GOLGA4: variants seen among roughly 807,000 people sequenced by gnomAD.
The protein encoded by GOLGA4 is golgin subfamily A member 4.
GOLGA4 carries 169 observed loss-of-function variants against 265.9 expected under a neutral mutation model. The ratio of observed to expected loss-of-function variants is 0.64; its 90% CI spans 0.56 to 0.72. The LOEUF is 0.72. Ranked by LOEUF, GOLGA4 falls within the 30% of genes least tolerant of loss-of-function variation. The probability of loss-of-function intolerance (pLI) is 0.00; values close to 1 mark genes in which losing one functional copy is unlikely to be tolerated. For synonymous variants in GOLGA4, 923 were observed against 855.8 expected (o/e 1.08, Z -1.37); for missense variants, 2,482 against 2,483.4 (o/e 1.00, Z 0.01).
rs921339999 is a variant in GOLGA4, at chr3:37,243,441, C to T, written c.-110C>T. The T allele has an allele frequency of 6.7e-6, 6 of 896,196 alleles. No individual in the cohort carries two copies. The highest frequency in any genetic ancestry group is 1.7e-5 in the African/African-American group (1 of 60,116). The allele number at this position is 896,196 out of a possible 1,614,324, so 55.5% of individuals were successfully genotyped here. ...TCAAGGAGGAGACGGCGAGGCCCGGCCCCCGCTGTCCCTGGTGTAAAGAAG... is the reference window on the plus strand; with the variant it reads ...TCAAGGAGGAGACGGCGAGGCCCGGTCCCCGCTGTCCCTGGTGTAAAGAAG... On this transcript the variant is annotated 5_prime_UTR_variant, in exon 1 of 24. Coordinates refer to ENST00000361924, the MANE Select transcript of GOLGA4 (RefSeq NM_002078.5).
intron 1 of GOLGA4, among the ~76,000 whole-genome samples, chr3:37,246,041 C>G (rs1560261691): frequency 6.6e-6 from 1 of 151,992 alleles, no homozygotes; most frequent in African/African-American, 2.4e-5. Context: ...CAAGACCAGC[C>G]TGGCCAAGAT....
At chr3:37,273,884 T>C (rs1039940308) in intron 2 of GOLGA4, among the ~76,000 whole-genome samples, 2 of 152,154 alleles carry the variant, frequency 1.3e-5, no homozygotes, top group Non-Finnish European at 2.9e-5. Flanking sequence ...GGCGGATCGC[T>C]TGAGGCCAAG....
At chr3:37,294,318 G>T (rs2096872608) in intron 5 of GOLGA4, among the ~76,000 whole-genome samples, 1 of 151,848 alleles carries the variant, frequency 6.6e-6, no homozygotes, top group African/African-American at 2.4e-5. Flanking sequence ...TTTGGTGTTA[G>T]ATCAGATGAA....
intron 13 of GOLGA4, 129 bp downstream of exon 13, chr3:37,322,015 A>T: frequency 1.4e-6 from 1 of 714,016 alleles, no homozygotes; most frequent in South Asian, 2.0e-5. Flanking sequence ...CTTCATTTTT[A>T]GGTAGTGTGA....
intron 17 of GOLGA4, 150 bp downstream of exon 17, chr3:37,335,316 A>C (rs2097007014): frequency 3.5e-6 from 2 of 575,472 alleles, no homozygotes; most frequent in Non-Finnish European, 3.2e-6. Flanking sequence ...TAGACAGATA[A>C]ACTAAATGTT....
At position 37,344,238 on chromosome 3, in the gene GOLGA4, A is replaced by G. The variant is rs374321251; in HGVS notation, c.6473-2955A>G. ...TGTTTCAGCCTCTAAAGTAGCTGGG[A>G]TTACAGGCGCACACCATCACACCTG... On this transcript the variant is annotated intron_variant, in intron 20 of 23. Coordinates refer to ENST00000361924, the MANE Select transcript of GOLGA4 (RefSeq NM_002078.5). 1.3e-4 allele frequency among the ~76,000 whole-genome samples: 20 copies of G among 152,294 alleles called. No homozygotes were observed. The South Asian group carries it at 3.9e-3, about 30-fold the overall frequency.
At chr3:37,358,530 C>G (rs964852311) in intron 22 of GOLGA4, among the ~76,000 whole-genome samples, 5 of 152,136 alleles carry the variant, frequency 3.3e-5, no homozygotes, top group African/African-American at 1.2e-4. Flanking sequence ...CCTTTGTTGA[C>G]TTGCTGTGGA....
chr3:37,344,631 C>T (rs757316984), intron 20 of GOLGA4, among the ~76,000 whole-genome samples: 3 of 151,822 alleles, frequency 2.0e-5, no homozygotes, highest in Non-Finnish European at 4.4e-5. Context: ...CCATGCCTAA[C>T]CTTCACTATC....
At position 37,325,796 on chromosome 3, in the gene GOLGA4, A is replaced by G. The variant is rs571193650; in HGVS notation, c.3910A>G (p.Asn1304Asp). The G allele has an allele frequency of 1.4e-5, 22 of 1,613,288 alleles. No homozygotes were observed. The African/African-American group carries it at 2.7e-4, about 20-fold the overall frequency. ...QATHQLEEKE[N>D]QIKSMKADIE... ...TACTCATCAGTTAGAAGAAAAAGAA[A>G]ATCAAATTAAGAGCATGAAGGCTGA... The change falls in exon 14 of 24, where the codon AAT becomes GAT. Residue 1304 changes from asparagine (N) to aspartate (D), a missense_variant. Coordinates refer to ENST00000361924, the MANE Select transcript of GOLGA4 (RefSeq NM_002078.5).
intron 5 of GOLGA4, among the ~76,000 whole-genome samples, chr3:37,291,921 C>T (rs2096865677): frequency 6.6e-6 from 1 of 151,606 alleles, no homozygotes; most frequent in Admixed American, 6.6e-5. Flanking sequence ...TTAGTTTTCT[C>T]TTGCTGCTGC....
rs2096822228 is a variant in GOLGA4 at position 37,277,363 on chromosome 3, A to G, written c.163-4595A>G. 3.3e-5 allele frequency among the ~76,000 whole-genome samples: 5 copies of G among 152,328 alleles called. No individual in the cohort carries two copies. The South Asian group carries it at 1.0e-3, about 32-fold the overall frequency. On this transcript the variant is annotated intron_variant, in intron 2 of 23. Transcript: ENST00000361924. ...TGTTGTAGTTTAGAAGGCTTTTCATAAATCCCCTCATAGGCAAAGATGAGA... is the reference window on the plus strand; with the variant it reads ...TGTTGTAGTTTAGAAGGCTTTTCATGAATCCCCTCATAGGCAAAGATGAGA...
chr3:37,358,856 G>A (rs1156244227), intron 22 of GOLGA4, among the ~76,000 whole-genome samples: 2 of 152,134 alleles, frequency 1.3e-5, no homozygotes, highest in Admixed American at 1.3e-4. Flanking sequence ...ATGCGACATT[G>A]CTGGGATGAG....
chr3:37,363,936 G>T (rs1432421573), intron 23 of GOLGA4, among the ~76,000 whole-genome samples: 3 of 152,154 alleles, frequency 2.0e-5, no homozygotes, highest in African/African-American at 7.2e-5. Context: ...AACAGATCAA[G>T]CTACGGTTTC....
At chr3:37,335,781 C>G (rs952852221) in intron 17 of GOLGA4, among the ~76,000 whole-genome samples, 15 of 146,794 alleles carry the variant, frequency 1.0e-4, no homozygotes, top group Non-Finnish European at 2.1e-4. Flanking sequence ...AAGTCCTAAT[C>G]CTTAAGTAAA....
At chr3:37,284,751 G>A (rs28446391) in intron 3 of GOLGA4, among the ~76,000 whole-genome samples, 3,709 of 149,548 alleles carry the variant, frequency 0.025, 135 homozygotes, top group African/African-American at 0.086. Context: ...TTGTAGCCTT[G>A]AGTTCCCAGG....
In GOLGA4 at chr3:37,298,752, T is replaced by C. The variant is rs2096885041; in HGVS notation, c.815-81T>C. On this transcript the variant is annotated intron_variant, in intron 7 of 23. Transcript: ENST00000361924. ...ATGGAGTCGGTTAGATTAGATCTCT[T>C]TGACTGTCTCAGTCATAATTTTCCA... The C allele has an allele frequency of 4.3e-6, 4 of 929,632 alleles. No homozygotes were observed. The South Asian group carries it at 5.0e-5, about 12-fold the overall frequency. 57.6% of individuals were successfully genotyped at this position (929,632 alleles called of 1,614,324 possible). A position where few individuals can be genotyped will look rare whatever the true frequency, so the allele number is the denominator to read the frequency against.
rs376566947 is a variant in GOLGA4 at position 37,326,562 on chromosome 3, A to G, written c.4676A>G (p.His1559Arg). 4 of 1,611,390 alleles carry G rather than the reference A, an allele frequency of 2.5e-6. No individual in the cohort carries two copies. Among genetic ancestry groups the G allele is most frequent in the Non-Finnish European group, 3.4e-6 (4 of 1,178,120 alleles). Residue 1559 changes from histidine to arginine, a missense_variant, in exon 14 of 24, where the codon CAC becomes CGC. Physicochemically the swap from His to Arg is conservative, Grantham distance 29. This residue lies in a region of GOLGA4 where 942 missense variants were observed against 983.1 expected (regional missense o/e 0.96). Coordinates refer to ENST00000361924, the MANE Select transcript of GOLGA4 (RefSeq NM_002078.5). The part of the protein sequence containing the change: ...KNYNQQKDIE[H>R]KELVQKLQHF... ...TACAATCAACAAAAGGATATTGAAC[A>G]CAAAGAATTGGTTCAGAAACTTCAA...
intron 14 of GOLGA4, 146 bp from the exon 15 acceptor site, chr3:37,328,266 ACACT>A (rs879174651): frequency 6.0e-4 from 410 of 678,102 alleles, no homozygotes; most frequent in Non-Finnish European, 8.0e-4. Flanking sequence ...ACACACACAC[ACACT>A]CACTCTCACA....
rs138744822 is a variant in GOLGA4 at position 37,364,792 on chromosome 3, A to C, written c.*34-1288A>C. 9.0e-4 allele frequency among the ~76,000 whole-genome samples: 136 copies of C among 151,654 alleles called. 1 individual carries two copies. Among genetic ancestry groups the C allele is most frequent in the African/African-American group, 3.2e-3 (131 of 41,338 alleles). Reference sequence around the variant, plus strand: ...AAGTTTGTAGATACAGGGTCTTGCCATGTTGCCCAGGCTGGTCTTGAACTC... The same window carrying C: ...AAGTTTGTAGATACAGGGTCTTGCCCTGTTGCCCAGGCTGGTCTTGAACTC... On this transcript the variant is annotated intron_variant, in intron 23 of 23. Coordinates refer to ENST00000361924, the MANE Select transcript of GOLGA4 (RefSeq NM_002078.5).
Sources: allele counts gnomAD v4.1 joint callset (sites outside exome capture counted in the v4.1 genomes callset), GRCh38; gene constraint gnomAD v4.1.1; regional missense constraint gnomAD v4.1.1; transcripts MANE v1.5; gene names NCBI Gene and HGNC (gene_info 2026-07-23, HGNC 2026-07-21).